ARHGAP24: variants seen among roughly 807,000 people sequenced by gnomAD.
ARHGAP24 encodes the protein rho GTPase-activating protein 24.
ARHGAP24 carries 50 observed loss-of-function variants against 76.4 expected under a neutral mutation model. The observed-to-expected ratio is 0.65, with a 90% CI of 0.52 to 0.83. The LOEUF (loss-of-function observed/expected upper bound fraction) is 0.83. ARHGAP24 is among the 40% of genes least tolerant of loss of function. The pLI is 0.00. For synonymous variants in ARHGAP24, 345 were observed against 323.3 expected (o/e 1.07, Z -0.72); for missense variants, 930 against 914.2 (o/e 1.02, Z -0.22).
At chr4:85,617,274 A>T (rs905067609) in intron 2 of ARHGAP24, among the ~76,000 whole-genome samples, 2 of 149,726 alleles carry the variant, frequency 1.3e-5, no homozygotes, top group African/African-American at 4.9e-5. Context: ...ATTAATATAG[A>T]TATATTGATA....
intron 3 of ARHGAP24, among the ~76,000 whole-genome samples, chr4:85,920,530 G>A (rs1222129850): frequency 6.6e-6 from 1 of 152,140 alleles, no homozygotes. Flanking sequence ...ATTGACAAAT[G>A]GGATCTAATT....
chr4:85,737,528 C>T (rs1725648494), intron 3 of ARHGAP24, among the ~76,000 whole-genome samples: 1 of 152,154 alleles, frequency 6.6e-6, no homozygotes, highest in Admixed American at 6.5e-5. Context: ...CACAATGGCT[C>T]AGTATGTTAA....
Position 85,983,953 on chromosome 4 carries a change from A to G in ARHGAP24, c.928+6262A>G, listed in dbSNP as rs191049373. ...AAAATATGTCTTAATTTATCATTCA[A>G]TAAATATTCATTAAGCAACTGCTTT... On this transcript the variant is annotated intron_variant, in intron 8 of 9. Coordinates refer to ENST00000395184, the MANE Select transcript of ARHGAP24 (RefSeq NM_001025616.3). 6.6e-5 allele frequency among the ~76,000 whole-genome samples: 10 copies of G among 152,364 alleles called. No homozygotes were observed. The East Asian group carries it at 1.9e-3, about 29-fold the overall frequency.
chr4:85,989,527 A>G (rs1740199988), intron 8 of ARHGAP24, among the ~76,000 whole-genome samples: 1 of 151,752 alleles, frequency 6.6e-6, no homozygotes, highest in African/African-American at 2.4e-5. Flanking sequence ...ATTCTTGCCA[A>G]CTAATTTTAT....
At position 86,001,038 on chromosome 4, in the gene ARHGAP24, T is replaced by C. The variant is rs1037568456; in HGVS notation, c.*316T>C. The C allele has an allele frequency of 2.9e-5, 14 of 476,062 alleles. No homozygotes were observed. In the East Asian group the frequency reaches 4.4e-4, roughly 15 times the overall value. The allele number at this position is 476,062 out of a possible 1,614,324, so 29.5% of individuals were successfully genotyped here. ...GTATTTAAATGTTAAATCAATATGT[T>C]GTTGCAATTTAGCTTGCTTTCAAGC... On this transcript the variant is annotated 3_prime_UTR_variant, in exon 10 of 10. Coordinates refer to ENST00000395184, the MANE Select transcript of ARHGAP24 (RefSeq NM_001025616.3).
chr4:85,993,033 C>G (rs908806894), intron 8 of ARHGAP24, among the ~76,000 whole-genome samples: 4 of 152,184 alleles, frequency 2.6e-5, no homozygotes, highest in South Asian at 2.1e-4. Flanking sequence ...TTTAACTTCT[C>G]TAACCCTCAA....
intron 1 of ARHGAP24, 57 bp downstream of exon 1, chr4:85,475,616 G>A (rs1486308097): frequency 6.9e-6 from 1 of 145,598 alleles, no homozygotes; most frequent in Non-Finnish European, 1.5e-5. Flanking sequence ...GACGGACGCG[G>A]CTGCCTGCGC....
intron 3 of ARHGAP24, among the ~76,000 whole-genome samples, chr4:85,897,406 C>T (rs1005274592): frequency 1.1e-4 from 16 of 152,158 alleles, no homozygotes; most frequent in Non-Finnish European, 2.9e-5. Flanking sequence ...CATATGTGAT[C>T]CCAAAAGATT....
intron 2 of ARHGAP24, among the ~76,000 whole-genome samples, chr4:85,632,484 C>G (rs1243949977): frequency 2.0e-5 from 3 of 151,920 alleles, no homozygotes; most frequent in African/African-American, 4.8e-5. Flanking sequence ...CTCAGAACCC[C>G]ATTTCATTGG....
intron 2 of ARHGAP24, among the ~76,000 whole-genome samples, chr4:85,612,860 A>G (rs995002300): frequency 1.5e-5 from 2 of 131,736 alleles, no homozygotes; most frequent in African/African-American, 3.0e-5. Context: ...GTGCAGTGGC[A>G]CAATCATGGC....
At chr4:85,924,701 A>G in intron 4 of ARHGAP24, 1 of 150,316 alleles carries the variant, frequency 6.7e-6, no homozygotes, top group East Asian at 2.0e-4. Context: ...TGACCATTTT[A>G]TATTTTAGAA....
intron 1 of ARHGAP24, among the ~76,000 whole-genome samples, chr4:85,489,261 CTG>C (rs1441769062): frequency 1.3e-5 from 2 of 152,194 alleles, no homozygotes; most frequent in Admixed American, 6.5e-5. Context: ...CAAATAATCA[CTG>C]AAGGTGAGTG....
At chr4:85,888,774 C>G (rs1733716643) in intron 3 of ARHGAP24, among the ~76,000 whole-genome samples, 1 of 152,118 alleles carries the variant, frequency 6.6e-6, no homozygotes, top group African/African-American at 2.4e-5. Context: ...CTCCCTCCTC[C>G]TACCCTCCAC....
At chr4:85,834,208 T>A (rs539411604) in intron 3 of ARHGAP24, among the ~76,000 whole-genome samples, 408 of 152,204 alleles carry the variant, frequency 2.7e-3, no homozygotes, top group Admixed American at 4.2e-3. Context: ...TAATGGGAGA[T>A]ACAATAGGAT....
intron 1 of ARHGAP24, among the ~76,000 whole-genome samples, chr4:85,526,099 G>A (rs1724980912): frequency 6.6e-6 from 1 of 152,084 alleles, no homozygotes; most frequent in Non-Finnish European, 1.5e-5. Context: ...ACTGGACAGA[G>A]CATGAAATAT....
At chr4:85,711,723 C>T (rs1253672714) in intron 2 of ARHGAP24, among the ~76,000 whole-genome samples, 7 of 152,124 alleles carry the variant, frequency 4.6e-5, no homozygotes, top group Non-Finnish European at 1.0e-4. Flanking sequence ...TTGTATTCAG[C>T]GTTATCAGGT....
At chr4:85,767,607 AATG>A (rs1726977870) in intron 3 of ARHGAP24, among the ~76,000 whole-genome samples, 1 of 152,180 alleles carries the variant, frequency 6.6e-6, no homozygotes, top group East Asian at 1.9e-4. Flanking sequence ...GAAAAAGAAA[AATG>A]ATACCTGTTC....
chr4:85,481,672 C>A (rs914040103), intron 1 of ARHGAP24, among the ~76,000 whole-genome samples: 4 of 152,112 alleles, frequency 2.6e-5, no homozygotes, highest in African/African-American at 4.8e-5. Context: ...AATCTATATC[C>A]ATTACTTCAT....
chr4:85,766,897 A>G (rs1259560921), intron 3 of ARHGAP24, among the ~76,000 whole-genome samples: 1 of 152,174 alleles, frequency 6.6e-6, no homozygotes, highest in African/African-American at 2.4e-5. Context: ...TTGGTCAACA[A>G]CAAACTGCAT....
Sources: gnomAD v4.1 joint callset for allele counts (sites outside exome capture counted in the v4.1 genomes callset) on GRCh38, gnomAD v4.1.1 for gene constraint, MANE v1.5 for transcripts, NCBI Gene and HGNC (gene_info 2026-07-23, HGNC 2026-07-21) for gene names.